MTHFSD: variants seen among roughly 807,000 people sequenced by gnomAD.
MTHFSD encodes methenyltetrahydrofolate synthase domain-containing protein.
MTHFSD carries 37 observed loss-of-function variants against 31.1 expected under a neutral mutation model. The ratio of observed to expected loss-of-function variants is 1.19; its 90% CI spans 0.91 to 1.56. The LOEUF (loss-of-function observed/expected upper bound fraction) is 1.56. Ranked by LOEUF, MTHFSD falls within the 40% of genes most tolerant of loss-of-function variation. MTHFSD has a pLI of 0.00. For synonymous variants in MTHFSD, 221 were observed against 206.9 expected (o/e 1.07, Z -0.59); for missense variants, 664 against 510.1 (o/e 1.30, Z -2.91).
chr16:86,552,378 C>T, intron 2 of MTHFSD: 2 of 1,151,132 alleles, frequency 1.7e-6, no homozygotes, highest in Non-Finnish European at 1.2e-6. Context: ...CAGAATCTCA[C>T]CCAGACAGGC....
At chr16:86,541,983 C>G (rs1253181119) in intron 6 of MTHFSD, 118 bp downstream of exon 6, 1 of 1,334,872 alleles carries the variant, frequency 7.5e-7, no homozygotes, top group Non-Finnish European at 1.0e-6. Context: ...CCAGCCCTGG[C>G]TGATCCACAC....
In MTHFSD at chr16:86,543,788, C is replaced by A. The variant is rs139207843; in HGVS notation, c.443-1575G>T. On this transcript the variant is annotated intron_variant, in intron 5 of 7. Coordinates refer to ENST00000360900, the MANE Select transcript of MTHFSD (RefSeq NM_001159377.2). Reference sequence around the variant, plus strand: ...ATGGCCTGTGAGGAACCGGGCCACACAGCACGAGGTGGGCAGTGAGAGAGT... The same window carrying A: ...ATGGCCTGTGAGGAACCGGGCCACAAAGCACGAGGTGGGCAGTGAGAGAGT... Among the ~76,000 whole-genome samples the A allele has an allele frequency of 2.6e-5, 4 of 152,368 alleles. No homozygotes were observed. The East Asian group carries it at 7.7e-4, about 29-fold the overall frequency.
At chr16:86,532,691 G>A (rs1252629191) in intron 7 of MTHFSD, 2 of 391,246 alleles carry the variant, frequency 5.1e-6, no homozygotes, top group East Asian at 3.8e-5. Context: ...CTCGCCCCTG[G>A]CTTAAGGGAA....
intron 2 of MTHFSD, chr16:86,553,809 C>G (rs1973574868): frequency 1.3e-5 from 2 of 153,108 alleles, no homozygotes; most frequent in South Asian, 2.1e-4. Flanking sequence ...GTGAAGTCAG[C>G]TGGGCTCCTG....
chr16:86,541,245 C>T (rs772121435), intron 7 of MTHFSD: 25 of 1,285,002 alleles, frequency 1.9e-5, no homozygotes, highest in Non-Finnish European at 2.3e-5. Context: ...AGGCTTGGTA[C>T]TGCCTCCTAC....
At chr16:86,538,280 T>G (rs1487017717) in intron 7 of MTHFSD, among the ~76,000 whole-genome samples, 2 of 152,138 alleles carry the variant, frequency 1.3e-5, no homozygotes, top group African/African-American at 4.8e-5. Flanking sequence ...GTGGTGGGTC[T>G]CCACGGTCCA....
In MTHFSD at chr16:86,530,758, A is replaced by G. The variant is rs1046990; in HGVS notation, c.*1253T>C. The stretch of plus-strand genomic sequence containing the variant: ...CCTCTGACGCTGAGCTGAATGCCCA[A>G]TGACAAACGTGACCAGCCGTGCGGG... On this transcript the variant is annotated 3_prime_UTR_variant, in exon 8 of 8. Coordinates refer to ENST00000360900, the MANE Select transcript of MTHFSD (RefSeq NM_001159377.2). 25,343 of 152,284 alleles carry G rather than the reference A, an allele frequency of 0.17. 2,141 individuals carry two copies. Among genetic ancestry groups the G allele is most frequent in the South Asian group, 0.26 (1,271 of 4,826 alleles). 9.4% of individuals were successfully genotyped at this position (152,284 alleles called of 1,614,324 possible). A position where few individuals can be genotyped will look rare whatever the true frequency, so the allele number is the denominator to read the frequency against.
intron 7 of MTHFSD, among the ~76,000 whole-genome samples, chr16:86,535,683 A>G (rs1199430663): frequency 6.6e-6 from 1 of 152,236 alleles, no homozygotes; most frequent in African/African-American, 2.4e-5. Flanking sequence ...CTGACTTTCA[A>G]GATTTCCGAT....
rs534221449 is a variant in MTHFSD, at chr16:86,548,637, A to G, written c.238-60T>C. On this transcript the variant is annotated intron_variant, in intron 3 of 7. Transcript: ENST00000360900. Reference sequence around the variant, plus strand: ...TCAAATTATTCCATAGGACTTTCTTATATGTATTTTTACCATTTCAGGAGA... The same window carrying G: ...TCAAATTATTCCATAGGACTTTCTTGTATGTATTTTTACCATTTCAGGAGA... 2.2e-6 allele frequency: 3 copies of G among 1,375,980 alleles called. No individual in the cohort carries two copies. In the African/African-American group the frequency reaches 4.4e-5, roughly 20 times the overall value. 85.2% of individuals were successfully genotyped at this position (1,375,980 alleles called of 1,614,324 possible). A position where few individuals can be genotyped will look rare whatever the true frequency, so the allele number is the denominator to read the frequency against.
At chr16:86,540,625 C>T (rs760659669) in intron 7 of MTHFSD, 25 of 971,700 alleles carry the variant, frequency 2.6e-5, no homozygotes, top group Admixed American at 6.1e-5. Context: ...TCTGAGGAGC[C>T]GCCAGCCTTA....
intron 7 of MTHFSD, among the ~76,000 whole-genome samples, chr16:86,536,788 T>G (rs1157841696): frequency 6.6e-6 from 1 of 152,194 alleles, no homozygotes; most frequent in Non-Finnish European, 1.5e-5. Flanking sequence ...AGTGGCTGCC[T>G]CCCTCCCCCT....
chr16:86,548,805 G>A (rs193134396), intron 3 of MTHFSD, among the ~76,000 whole-genome samples: 5 of 152,178 alleles, frequency 3.3e-5, no homozygotes, highest in Non-Finnish European at 7.4e-5. Context: ...AGAGCCAGAG[G>A]GTTTACTAAA....
intron 7 of MTHFSD, among the ~76,000 whole-genome samples, chr16:86,536,758 C>T (rs561339219): frequency 6.6e-6 from 1 of 152,386 alleles, no homozygotes; most frequent in African/African-American, 2.4e-5. Flanking sequence ...CTGCCTGGCC[C>T]TCATTGCGAG....
chr16:86,532,104 G>T lies in MTHFSD; in HGVS notation c.1059C>A (p.Ala353=). The T allele has an allele frequency of 1.9e-6, 3 of 1,540,302 alleles. No homozygotes were observed. The highest frequency in any genetic ancestry group is 2.6e-6 in the Non-Finnish European group (3 of 1,141,828). ...AGCAGGAGACGGCCTGCTGGGCTGC[G>T]GCAGAGTCCGGGTAATGGAGGAAGG... ...RRAFLHYPDS[A]AAQQAVSCLQ... The change falls in exon 8 of 8, where the codon GCC becomes GCA. Residue 353 remains alanine (A), a synonymous_variant. Transcript: ENST00000360900.
At chr16:86,554,956 A>G (rs1973872915) in intron 1 of MTHFSD, 2 of 1,258,234 alleles carry the variant, frequency 1.6e-6, no homozygotes, top group South Asian at 1.6e-5. Flanking sequence ...TCTTCTCGTT[A>G]TCTTTATTTT....
In MTHFSD at chr16:86,531,995, G is replaced by A. The variant is rs555142457; in HGVS notation, c.*16C>T. ...GGATGGCGAGTCTGCAGTGAGCTCC[G>A]TGGCTGTCCACGAGGTCACTTGTCC... On this transcript the variant is annotated 3_prime_UTR_variant, in exon 8 of 8. Coordinates refer to ENST00000360900, the MANE Select transcript of MTHFSD (RefSeq NM_001159377.2). This position sits in a 1 kb window ranked among gnomAD's most constrained non-coding sequence, Gnocchi z 5.5. 42 of 1,443,400 alleles carry A rather than the reference G, an allele frequency of 2.9e-5. 1 individual carries two copies. The highest frequency in any genetic ancestry group is 5.1e-4 in the Middle Eastern group (2 of 3,884). 89.4% of individuals were successfully genotyped at this position (1,443,400 alleles called of 1,614,324 possible). A position where few individuals can be genotyped will look rare whatever the true frequency, so the allele number is the denominator to read the frequency against.
intron 1 of MTHFSD, 130 bp downstream of exon 1, chr16:86,555,039 G>C: frequency 6.8e-7 from 1 of 1,464,418 alleles, no homozygotes. Context: ...GACCCCCTCT[G>C]ACCTCCTCGG....
chr16:86,544,302 TAGG>T (rs1971957835), intron 5 of MTHFSD, among the ~76,000 whole-genome samples: 1 of 151,992 alleles, frequency 6.6e-6, no homozygotes, highest in African/African-American at 2.4e-5. Context: ...ACCTACAAAA[TAGG>T]AGACAATTTT....
intron 1 of MTHFSD, 104 bp from the exon 2 acceptor site, chr16:86,554,855 G>T: frequency 1.8e-6 from 2 of 1,117,634 alleles, no homozygotes; most frequent in Non-Finnish European, 2.6e-6. Flanking sequence ...GGTCAAACCG[G>T]CTTCCGATCC....
Sources: allele counts gnomAD v4.1 joint callset (sites outside exome capture counted in the v4.1 genomes callset), GRCh38; gene constraint gnomAD v4.1.1; non-coding constraint Gnocchi (gnomAD v3.1); transcripts MANE v1.5; gene names NCBI Gene and HGNC (gene_info 2026-07-23, HGNC 2026-07-21).